The following MICAL1 variants were observed in gnomAD, a reference collection of about 807,000 sequenced individuals.
MICAL1 encodes the protein microtubule associated monooxygenase, calponin and LIM domain containing 1, also known as [F-actin]-monooxygenase MICAL1.
A neutral mutation model predicts 131.8 loss-of-function variants in MICAL1; 95 were observed. That is an observed-to-expected ratio of 0.72 (90% CI 0.61 to 0.86). The LOEUF is 0.86. MICAL1 is among the 40% of genes least tolerant of loss of function. The pLI, the probability that MICAL1 is intolerant of heterozygous loss-of-function variation, is 0.00. For missense variants in MICAL1, 1,292 were observed against 1,380.6 expected (o/e 0.94, Z 1.02); for synonymous variants, 546 against 554.2 (o/e 0.99, Z 0.21).
chr6:109,453,286 C>A lies in MICAL1; in HGVS notation c.548G>T (p.Gly183Val). The A allele has an allele frequency of 2.5e-6, 4 of 1,613,938 alleles. No individual in the cohort carries two copies. The highest frequency in any genetic ancestry group is 3.4e-6 in the Non-Finnish European group (4 of 1,179,908). ...VEIHWGVTFT[G>V]LQPPPRKGSG... ...ACCCTTCCTAGGAGGGGGCTGGAGG[C>A]CAGTGAAAGTGACACCCCAGTGAAT... The change falls in exon 4 of 25, where the codon GGC (glycine) becomes GTC (valine). Residue 183 changes from glycine to valine, a missense_variant. Coordinates refer to ENST00000358807, the MANE Select transcript of MICAL1 (RefSeq NM_022765.4).
chr6:109,448,558 ACTC>A (rs907493977), intron 12 of MICAL1, 165 bp from the exon 13 acceptor site: 31 of 1,252,228 alleles, frequency 2.5e-5, no homozygotes, highest in South Asian at 4.0e-5. Flanking sequence ...CAGTGACACT[ACTC>A]CTGGCTTTGG....
chr6:109,448,133 T>TCACA (rs3054663), intron 13 of MICAL1, 70 bp downstream of exon 13: 624 of 1,448,370 alleles, frequency 4.3e-4, no homozygotes, highest in Admixed American at 9.7e-4. Flanking sequence ...TCTCCCTCTG[T>TCACA]CACACACACA....
upstream of MICAL1, among the ~76,000 whole-genome samples, chr6:109,456,263 G>T (rs1211550737): frequency 6.6e-6 from 1 of 152,168 alleles, no homozygotes; most frequent in East Asian, 1.9e-4. Context: ...GGGCGCTCAG[G>T]CTCCTCAAGA....
chr6:109,465,723 A>G, exon 1 of MICAL1: 1 of 1,608,888 alleles, frequency 6.2e-7, no homozygotes, highest in Non-Finnish European at 8.5e-7. Context: ...AACATCAGTT[A>G]GCCATCACAG....
At chr6:109,452,791 GAAGT>G (rs1775598743) in intron 4 of MICAL1, among the ~76,000 whole-genome samples, 176 bp from the exon 5 acceptor site, 1 of 152,206 alleles carries the variant, frequency 6.6e-6, no homozygotes, top group African/African-American at 2.4e-5. Flanking sequence ...GGTGAGGAAG[GAAGT>G]GTTATTCTTG....
In MICAL1 at chr6:109,447,695, T is replaced by C; in HGVS notation, c.1972A>G (p.Lys658Glu). 6.2e-7 allele frequency: 1 copy of C among 1,614,034 alleles called. No homozygotes were observed. Among genetic ancestry groups the C allele is most frequent in the Non-Finnish European group, 8.5e-7 (1 of 1,179,982 alleles). ...CCTGCATTCACCTCCAAGCGCAGCT[T>C]CTTGCCACCAGCATCCTCTGCATTT... ...KENAEDAGGK[K>E]LRLEMEAETP... The change falls in exon 15 of 25, where the codon AAG becomes GAG. Residue 658 changes from lysine (K) to glutamate (E), a missense_variant. Transcript: ENST00000358807.
rs200378080 is a variant in MICAL1, at chr6:109,465,895, G to A, written c.-218C>T. 15 of 1,614,210 alleles carry A rather than the reference G, an allele frequency of 9.3e-6. No individual in the cohort carries two copies. In the African/African-American group the frequency reaches 1.9e-4, roughly 20 times the overall value. On this transcript the variant is annotated 5_prime_UTR_variant, in exon 1 of 25. Transcript: ENST00000630715. ...AGTGGCGTTGGCTGGGGCACGTGGT[G>A]AGTGGGTGGTGGCGGACCAGGCTCC...
Position 109,453,274 on chromosome 6 carries a change from G to C in MICAL1, c.560C>G (p.Pro187Arg), listed in dbSNP as rs1423371236. The change falls in exon 4 of 25, where the codon CCT becomes CGT. Residue 187 changes from proline (P) to arginine (R), a missense_variant. By Grantham distance (103) the Pro-to-Arg change is moderately radical. Transcript: ENST00000358807. ...WGVTFTGLQP[P>R]PRKGSGWRAQ... ...ATAGAAATACTTACCCTTCCTAGGA[G>C]GGGGCTGGAGGCCAGTGAAAGTGAC... is the stretch of plus-strand genomic sequence containing the variant. The C allele has an allele frequency of 1.2e-6, 2 of 1,613,454 alleles. No homozygotes were observed. Among genetic ancestry groups the C allele is most frequent in the African/African-American group, 1.3e-5 (1 of 75,052 alleles).
intron 13 of MICAL1, 39 bp from the exon 14 acceptor site, chr6:109,448,002 G>A (rs751026358): frequency 1.9e-6 from 3 of 1,556,982 alleles, no homozygotes; most frequent in East Asian, 2.3e-5. Flanking sequence ...GATGGGGGGT[G>A]CCAATACTGT....
intron 1 of MICAL1, among the ~76,000 whole-genome samples, chr6:109,461,014 GT>G (rs1161264998): frequency 2.6e-5 from 4 of 151,900 alleles, no homozygotes; most frequent in Admixed American, 2.6e-4. Flanking sequence ...CAACATGCAG[GT>G]TACATAGGTA....
chr6:109,454,364 C>T, intron 1 of MICAL1, 125 bp from the exon 2 acceptor site: 1 of 961,212 alleles, frequency 1.0e-6, no homozygotes, highest in Non-Finnish European at 1.5e-6. Flanking sequence ...GGCTCTGCTC[C>T]TCCCAGCCCA....
In MICAL1 at chr6:109,448,767, C is replaced by A. The variant is rs375872705; in HGVS notation, c.1629G>T (p.Leu543=). Residue 543 remains leucine, a synonymous_variant, in exon 12 of 25, where the codon CTG becomes CTT. Coordinates refer to ENST00000358807, the MANE Select transcript of MICAL1 (RefSeq NM_022765.4). ...GCTGCAGCCGGTACACCAGGGCACACAGAGCTAGCCCATCAGCCCAGGAGG... is the reference window on the plus strand; with the variant it reads ...GCTGCAGCCGGTACACCAGGGCACAAAGAGCTAGCCCATCAGCCCAGGAGG... The part of the protein sequence containing the change: ...LSSSWADGLA[L]CALVYRLQPG... 6.2e-6 allele frequency: 10 copies of A among 1,613,968 alleles called. No homozygotes were observed. The African/African-American group carries it at 1.3e-4, about 22-fold the overall frequency.
rs1775109878 is a variant in MICAL1 at position 109,444,344 on chromosome 6, AAGG to A, written c.3056-8_3056-6del. The A allele has an allele frequency of 6.2e-7, 1 of 1,613,368 alleles. No homozygotes were observed. Among genetic ancestry groups the A allele is most frequent in the East Asian group, 2.2e-5 (1 of 44,872 alleles). ...CAGCAGCTGTCTTTAGGTTTTCTAA[AAGG>A]AGGAGACAAAGCTTAGAGAACAGGG... On this transcript the variant is annotated splice_region_variant and splice_polypyrimidine_tract_variant and intron_variant, in intron 24 of 24. Coordinates refer to ENST00000358807, the MANE Select transcript of MICAL1 (RefSeq NM_022765.4).
At chr6:109,446,906 G>C in intron 17 of MICAL1, 134 bp from the exon 18 acceptor site, 6 of 1,230,986 alleles carry the variant, frequency 4.9e-6, no homozygotes, top group Non-Finnish European at 7.0e-6. Context: ...CTGTTCCTCA[G>C]AACCACACAT....
At chr6:109,456,059 G>C, upstream of MICAL1, 1 of 982,872 alleles carries the variant, frequency 1.0e-6, no homozygotes, top group Non-Finnish European at 1.2e-6. Context: ...TGGGGCCTCT[G>C]GGTGGGTCTG....
intron 1 of MICAL1, among the ~76,000 whole-genome samples, chr6:109,461,840 T>A (rs1384508318): frequency 1.3e-5 from 2 of 152,236 alleles, no homozygotes; most frequent in African/African-American, 4.8e-5. Flanking sequence ...TTTAAAAGCC[T>A]GTGCCCTAGT....
chr6:109,448,013 A>T (rs4946975), intron 13 of MICAL1, 50 bp from the exon 14 acceptor site: 2 of 1,519,000 alleles, frequency 1.3e-6, no homozygotes, highest in Admixed American at 3.9e-5. Context: ...CCAATACTGT[A>T]CTCTCAGAAC....
rs766189264 is a variant in MICAL1, at chr6:109,448,791, G to A, written c.1605C>T (p.Ser535=). 67 of 1,613,990 alleles carry A rather than the reference G, an allele frequency of 4.2e-5. No individual in the cohort carries two copies. Among genetic ancestry groups the A allele is most frequent in the Admixed American group, 2.0e-4 (12 of 60,010 alleles). The part of the protein sequence containing the change: ...YPGVHVSDLS[S]SWADGLALCA... ...ACAGAGCTAGCCCATCAGCCCAGGA[G>A]GAAGACAAATCGGAGACGTGGACTC... Residue 535 remains serine, a synonymous_variant, in exon 12 of 25, where the codon TCC becomes TCT. Transcript: ENST00000358807.
At chr6:109,450,658 G>GA in intron 7 of MICAL1, 101 bp from the exon 8 acceptor site, 1 of 1,341,734 alleles carries the variant, frequency 7.5e-7, no homozygotes, top group Non-Finnish European at 1.0e-6. Flanking sequence ...CTGGGGCCCA[G>GA]AGAAGGAAGG....
Sources: allele counts gnomAD v4.1 joint callset (sites outside exome capture counted in the v4.1 genomes callset), GRCh38; gene constraint gnomAD v4.1.1; transcripts MANE v1.5; gene names NCBI Gene and HGNC (gene_info 2026-07-23, HGNC 2026-07-21).